Variants in SORCS2 observed in about 807,000 individuals in gnomAD.
The protein encoded by SORCS2 is sortilin related VPS10 domain containing receptor 2.
SORCS2 carries 100 observed loss-of-function variants against 141.6 expected under a neutral mutation model. The ratio of observed to expected loss-of-function variants is 0.71; its 90% confidence interval spans 0.60 to 0.83. The LOEUF (loss-of-function observed/expected upper bound fraction) is 0.83. Among genes scored for constraint, SORCS2 ranks in the 40% least tolerant of loss-of-function variants. The pLI is 0.00. For synonymous variants in SORCS2, 789 were observed against 676.9 expected (o/e 1.17, Z -2.57); for missense variants, 1,646 against 1,560.2 (o/e 1.05, Z -0.93).
At chr4:7,574,202 G>A (rs749870281) in intron 3 of SORCS2, among the ~76,000 whole-genome samples, 7 of 152,246 alleles carry the variant, frequency 4.6e-5, no homozygotes, top group South Asian at 2.1e-4. Flanking sequence ...GCGCCTTTGC[G>A]GCCCCAGGAC....
chr4:7,495,106 G>C (rs1577656431), intron 2 of SORCS2, among the ~76,000 whole-genome samples: 1 of 152,352 alleles, frequency 6.6e-6, no homozygotes, highest in East Asian at 1.9e-4. Context: ...AACGGTGCCT[G>C]TCAGCGGTGC....
chr4:7,704,469 A>C (rs1309741121), intron 14 of SORCS2, among the ~76,000 whole-genome samples, 185 bp downstream of exon 14: 1 of 152,154 alleles, frequency 6.6e-6, no homozygotes, highest in Non-Finnish European at 1.5e-5. Flanking sequence ...TGGCCACGGC[A>C]CCTCTTGAGC....
intron 2 of SORCS2, among the ~76,000 whole-genome samples, chr4:7,461,724 G>A (rs1335597193): frequency 6.6e-6 from 1 of 152,200 alleles, no homozygotes; most frequent in Non-Finnish European, 1.5e-5. Context: ...ATATAGCCCA[G>A]AGGCTTGGAC....
At chr4:7,204,221 T>C (rs1377724719) in intron 1 of SORCS2, among the ~76,000 whole-genome samples, 2 of 152,056 alleles carry the variant, frequency 1.3e-5, no homozygotes, top group African/African-American at 4.8e-5. Context: ...CTACGTCAGT[T>C]TTTTTTCTTC....
chr4:7,444,571 A>G (rs1472937620), intron 2 of SORCS2, among the ~76,000 whole-genome samples: 1 of 152,248 alleles, frequency 6.6e-6, no homozygotes. Flanking sequence ...GGGCAGGAGC[A>G]GAAGGCGCCA....
At chr4:7,324,276 G>C (rs956418143) in intron 1 of SORCS2, among the ~76,000 whole-genome samples, 3 of 152,242 alleles carry the variant, frequency 2.0e-5, no homozygotes, top group African/African-American at 7.2e-5. Context: ...GTAGCTGGTG[G>C]TGAGGCAGGT....
intron 2 of SORCS2, among the ~76,000 whole-genome samples, chr4:7,446,291 C>T (rs566395585): frequency 3.2e-4 from 48 of 152,280 alleles, no homozygotes; most frequent in African/African-American, 1.1e-3. Flanking sequence ...GGCCCTATGC[C>T]CCACCCACCC....
chr4:7,526,265 C>G (rs1426567779), intron 2 of SORCS2, among the ~76,000 whole-genome samples: 1 of 152,266 alleles, frequency 6.6e-6, no homozygotes, highest in Non-Finnish European at 1.5e-5. Context: ...GCACGTTGTC[C>G]AGACCGGCGT....
chr4:7,736,542 G>A (rs747935502), intron 25 of SORCS2, among the ~76,000 whole-genome samples: 2 of 152,176 alleles, frequency 1.3e-5, no homozygotes, highest in Admixed American at 6.5e-5. Flanking sequence ...GGCCCAGGGC[G>A]GGTCCTGAGC....
chr4:7,684,864 C>G (rs909995946), intron 10 of SORCS2, among the ~76,000 whole-genome samples: 5 of 152,100 alleles, frequency 3.3e-5, no homozygotes, highest in Admixed American at 3.3e-4. Context: ...GGCCGTGGTA[C>G]TAAGAGGGGA....
chr4:7,478,151 A>G (rs933627736), intron 2 of SORCS2, among the ~76,000 whole-genome samples: 6 of 152,270 alleles, frequency 3.9e-5, no homozygotes, highest in African/African-American at 1.4e-4. Flanking sequence ...CCATAACGGG[A>G]GCCATTTGCC....
rs3733599 is a variant in SORCS2, at chr4:7,676,309, C to G, written c.1341+80C>G. On this transcript the variant is annotated intron_variant, in intron 9 of 26. Transcript: ENST00000507866. ...CTCTCACCCCACCTCTTCCTCCCCCCTCCCCTCCCGCCTGTCTATATAGCT... is the reference window on the plus strand; with the variant it reads ...CTCTCACCCCACCTCTTCCTCCCCCGTCCCCTCCCGCCTGTCTATATAGCT... 4.5e-4 allele frequency: 642 copies of G among 1,424,686 alleles called. 7 individuals are homozygous for G. In the East Asian group the frequency reaches 0.015, roughly 33 times the overall value. 88.3% of individuals were successfully genotyped at this position (1,424,686 alleles called of 1,614,324 possible).
chr4:7,484,165 G>A (rs571035623), intron 2 of SORCS2, among the ~76,000 whole-genome samples: 154 of 152,274 alleles, frequency 1.0e-3, no homozygotes, highest in African/African-American at 3.3e-3. Flanking sequence ...CAGCGGTCCC[G>A]GTAATCTACT....
intron 2 of SORCS2, among the ~76,000 whole-genome samples, chr4:7,443,041 C>T (rs1727776779): frequency 6.6e-6 from 1 of 152,182 alleles, no homozygotes; most frequent in Admixed American, 6.5e-5. Flanking sequence ...TTCTCTGTGT[C>T]CAAATTTCCT....
At chr4:7,400,982 GATGA>G (rs1303876458) in intron 2 of SORCS2, among the ~76,000 whole-genome samples, 4 of 152,102 alleles carry the variant, frequency 2.6e-5, no homozygotes, top group African/African-American at 7.2e-5. Context: ...TGAATGGATA[GATGA>G]ATGAATGGAT....
chr4:7,320,365 A>T (rs1489339495), intron 1 of SORCS2, among the ~76,000 whole-genome samples: 3 of 152,220 alleles, frequency 2.0e-5, no homozygotes, highest in African/African-American at 7.2e-5. Flanking sequence ...GGTTTTAATG[A>T]TGGACAATGG....
At chr4:7,548,503 T>C (rs1048322338) in intron 3 of SORCS2, among the ~76,000 whole-genome samples, 2 of 151,534 alleles carry the variant, frequency 1.3e-5, no homozygotes, top group South Asian at 4.2e-4. Flanking sequence ...GTCAGGGGGG[T>C]TGGTGGCATA....
chr4:7,500,938 C>T (rs1731933658), intron 2 of SORCS2, among the ~76,000 whole-genome samples: 1 of 152,228 alleles, frequency 6.6e-6, no homozygotes, highest in African/African-American at 2.4e-5. Context: ...TGTGATTCTG[C>T]CGGGAGGTTT....
In SORCS2 at chr4:7,675,596, C is replaced by T. The variant is rs531196363; in HGVS notation, c.1162-454C>T. Among the ~76,000 whole-genome samples, 130 of 152,300 alleles carry T rather than the reference C, an allele frequency of 8.5e-4. 1 individual carries two copies. Among genetic ancestry groups the T allele is most frequent in the African/African-American group, 3.0e-3 (123 of 41,572 alleles). ...GTTTCTGGCATGGAGTTGGTACTTC[C>T]CAAATGTGTCTTGAATGAAGGAGGG... is the stretch of plus-strand genomic sequence containing the variant. On this transcript the variant is annotated intron_variant, in intron 8 of 26. Transcript: ENST00000507866.
Sources: gnomAD v4.1 joint callset for allele counts (sites outside exome capture counted in the v4.1 genomes callset) on GRCh38, gnomAD v4.1.1 for gene constraint, MANE v1.5 for transcripts, NCBI Gene and HGNC (gene_info 2026-07-23, HGNC 2026-07-21) for gene names.